Variants in CA10 observed in about 807,000 individuals in gnomAD.
CA10 encodes the protein carbonic anhydrase 10 (inactive), also known as carbonic anhydrase-related protein 10.
CA10 carries 14 observed loss-of-function variants against 44.2 expected under a neutral mutation model. The ratio of observed to expected loss-of-function variants is 0.32; its 90% confidence interval spans 0.21 to 0.50. CA10 has a LOEUF of 0.50. CA10 is among the 20% of genes least tolerant of loss of function. The pLI, the probability that CA10 is intolerant of heterozygous loss-of-function variation, is 0.99. For synonymous variants in CA10, 159 were observed against 141.6 expected (o/e 1.12, Z -0.87); for missense variants, 350 against 409.7 (o/e 0.85, Z 1.26).
chr17:51,726,128 C>A (rs1033420338), intron 4 of CA10, among the ~76,000 whole-genome samples: 5 of 152,128 alleles, frequency 3.3e-5, no homozygotes, highest in African/African-American at 4.8e-5. Context: ...CAGATGAATG[C>A]CTATGCAAAG....
At chr17:51,717,685 GTATA>G (rs1567815272) in intron 4 of CA10, among the ~76,000 whole-genome samples, 734 of 39,166 alleles carry the variant, frequency 0.019, 123 homozygotes, top group Middle Eastern at 0.05. Context: ...ATGTATATAT[GTATA>G]CATATATGCA....
chr17:51,894,097 C>T (rs1392457383), intron 3 of CA10, among the ~76,000 whole-genome samples: 1 of 152,060 alleles, frequency 6.6e-6, no homozygotes, highest in Admixed American at 6.6e-5. Flanking sequence ...TGAGGAATTT[C>T]TGAAAGCTGT....
At chr17:52,153,700 T>G (rs576358084) in intron 1 of CA10, among the ~76,000 whole-genome samples, 1 of 152,300 alleles carries the variant, frequency 6.6e-6, no homozygotes, top group South Asian at 2.1e-4. Flanking sequence ...ATGGTTTTCT[T>G]TTTGCTTTTA....
chr17:51,692,411 C>G (rs1197387922), intron 4 of CA10, among the ~76,000 whole-genome samples: 1 of 125,062 alleles, frequency 8.0e-6, no homozygotes, highest in Non-Finnish European at 1.8e-5. Context: ...ATCTATCTAT[C>G]TATCTATCTA....
intron 2 of CA10, among the ~76,000 whole-genome samples, chr17:51,991,686 G>C (rs1216528681): frequency 1.3e-5 from 2 of 152,114 alleles, no homozygotes; most frequent in East Asian, 3.9e-4. Context: ...GCACATGCCT[G>C]TAATCCCAGT....
At chr17:51,850,638 T>C (rs1252030783) in intron 3 of CA10, among the ~76,000 whole-genome samples, 2 of 152,186 alleles carry the variant, frequency 1.3e-5, no homozygotes, top group East Asian at 1.9e-4. Flanking sequence ...TTGAGTTACA[T>C]GTGGAAGGGC....
At chr17:51,769,308 G>A (rs952258314) in intron 3 of CA10, among the ~76,000 whole-genome samples, 5 of 152,158 alleles carry the variant, frequency 3.3e-5, no homozygotes, top group African/African-American at 1.2e-4. Flanking sequence ...AAGGTGCCAG[G>A]CAGTGTGCTA....
At chr17:52,066,193 C>A (rs764658066) in intron 2 of CA10, among the ~76,000 whole-genome samples, 6 of 152,078 alleles carry the variant, frequency 3.9e-5, no homozygotes, top group African/African-American at 7.2e-5. Context: ...TAAAGATACC[C>A]AAAATGTGAA....
intron 3 of CA10, among the ~76,000 whole-genome samples, chr17:51,767,249 C>T (rs1264051153): frequency 1.3e-5 from 2 of 152,204 alleles, no homozygotes; most frequent in African/African-American, 4.8e-5. Context: ...AGGGGAGTTT[C>T]ACACTCATAC....
intron 4 of CA10, 58 bp downstream of exon 4, chr17:51,747,575 C>A: frequency 7.1e-7 from 1 of 1,411,724 alleles, no homozygotes; most frequent in Non-Finnish European, 9.7e-7. Context: ...TGGACACAAA[C>A]AGGCACCCAA....
rs1024595000 is a variant in CA10, at chr17:51,674,972, C to T, written c.466-21236G>A. Among the ~76,000 whole-genome samples the T allele has an allele frequency of 7.9e-5, 12 of 152,262 alleles. No homozygotes were observed. In the East Asian group the frequency reaches 1.4e-3, roughly 17 times the overall value. The stretch of plus-strand genomic sequence containing the variant: ...CTAGTTATTTCCTGTAAGAAAATTG[C>T]GCTGCTGTCATTAACACGAAATTAA... On this transcript the variant is annotated intron_variant, in intron 4 of 8. Coordinates refer to ENST00000451037, the MANE Select transcript of CA10 (RefSeq NM_020178.5).
intron 4 of CA10, among the ~76,000 whole-genome samples, chr17:51,739,028 A>G (rs1251849182): frequency 6.6e-6 from 1 of 151,998 alleles, no homozygotes; most frequent in Non-Finnish European, 1.5e-5. Flanking sequence ...CTCCTCTGAC[A>G]CTGTCACTTT....
At chr17:51,989,740 G>A (rs1984975135) in intron 2 of CA10, among the ~76,000 whole-genome samples, 1 of 152,216 alleles carries the variant, frequency 6.6e-6, no homozygotes, top group African/African-American at 2.4e-5. Flanking sequence ...TGATACTGTT[G>A]CAGCTCGCTT....
At chr17:52,000,276 A>G (rs1323598599) in intron 2 of CA10, among the ~76,000 whole-genome samples, 1 of 152,038 alleles carries the variant, frequency 6.6e-6, no homozygotes, top group African/African-American at 2.4e-5. Context: ...AGCAAGACCT[A>G]TGGTTTCTGA....
intron 3 of CA10, among the ~76,000 whole-genome samples, chr17:51,897,771 A>T (rs1410273753): frequency 6.6e-6 from 1 of 151,890 alleles, no homozygotes; most frequent in African/African-American, 2.4e-5. Flanking sequence ...CATTGTAGAG[A>T]TCTTTTACCT....
At chr17:52,137,672 T>C (rs2143371797) in intron 1 of CA10, among the ~76,000 whole-genome samples, 1 of 152,284 alleles carries the variant, frequency 6.6e-6, no homozygotes, top group African/African-American at 2.4e-5. Flanking sequence ...TCTTTCACAG[T>C]GCTTGGCACT....
intron 2 of CA10, among the ~76,000 whole-genome samples, chr17:51,959,533 G>T (rs1983803893): frequency 6.6e-6 from 1 of 152,014 alleles, no homozygotes; most frequent in Admixed American, 6.6e-5. Context: ...ACCTAATTTT[G>T]TGTATGAAGT....
intron 2 of CA10, among the ~76,000 whole-genome samples, chr17:52,007,355 G>A (rs1985635453): frequency 6.6e-6 from 1 of 151,508 alleles, no homozygotes; most frequent in African/African-American, 2.4e-5. Flanking sequence ...TCATCCATAA[G>A]TAAGGTGTTT....
intron 3 of CA10, among the ~76,000 whole-genome samples, chr17:51,929,451 A>C (rs1982562620): frequency 6.6e-6 from 1 of 152,114 alleles, no homozygotes; most frequent in Admixed American, 6.6e-5. Context: ...ACCATCTTGC[A>C]AGCCTCTCTT....
Sources: allele counts gnomAD v4.1 joint callset (sites outside exome capture counted in the v4.1 genomes callset), GRCh38; gene constraint gnomAD v4.1.1; transcripts MANE v1.5; gene names NCBI Gene and HGNC (gene_info 2026-07-23, HGNC 2026-07-21).